LPCAT2: variants seen among roughly 807,000 people sequenced by gnomAD.
The protein encoded by LPCAT2 is 1-AGP acyltransferase 11.
LPCAT2 carries 58 observed loss-of-function variants against 64.7 expected under a neutral mutation model. The ratio of observed to expected loss-of-function variants is 0.90; its 90% CI spans 0.73 to 1.12. The LOEUF (loss-of-function observed/expected upper bound fraction) is 1.12. LPCAT2 is among the 50% of genes most tolerant of loss of function. The probability of loss-of-function intolerance (pLI) is 0.00; values close to 1 mark genes in which losing one functional copy is unlikely to be tolerated. For missense variants in LPCAT2, 579 were observed against 669.8 expected (o/e 0.86, Z 1.50); for synonymous variants, 252 against 245.3 (o/e 1.03, Z -0.26).
At chr16:55,543,025 G>C (rs1280644152) in intron 8 of LPCAT2, among the ~76,000 whole-genome samples, 3 of 152,150 alleles carry the variant, frequency 2.0e-5, no homozygotes, top group African/African-American at 7.2e-5. Context: ...ACCTCTCTTT[G>C]ATTGATTTTC....
intron 11 of LPCAT2, among the ~76,000 whole-genome samples, chr16:55,556,263 A>G (rs1963573243): frequency 6.6e-6 from 1 of 152,244 alleles, no homozygotes; most frequent in Non-Finnish European, 1.5e-5. Context: ...ATGTATGTAT[A>G]TATGAAACTA....
At chr16:55,580,372 A>G (rs1303085889) in intron 13 of LPCAT2, among the ~76,000 whole-genome samples, 1 of 152,186 alleles carries the variant, frequency 6.6e-6, no homozygotes, top group Non-Finnish European at 1.5e-5. Flanking sequence ...TATTACTCCA[A>G]ACTACTAAAT....
intron 13 of LPCAT2, 75 bp from the exon 14 acceptor site, chr16:55,582,839 A>G: frequency 1.1e-6 from 1 of 907,846 alleles, no homozygotes; most frequent in Non-Finnish European, 1.7e-6. Context: ...GCATTATTAG[A>G]GTCATTTATT....
At chr16:55,537,702 A>G in intron 8 of LPCAT2, 70 bp downstream of exon 8, 2 of 1,267,946 alleles carry the variant, frequency 1.6e-6, no homozygotes, top group Non-Finnish European at 2.3e-6. Flanking sequence ...CCTCTAGTCT[A>G]GAGAGACCAG....
chr16:55,571,302 G>T (rs1269585901), intron 11 of LPCAT2, among the ~76,000 whole-genome samples: 5 of 152,074 alleles, frequency 3.3e-5, no homozygotes, highest in African/African-American at 1.2e-4. Flanking sequence ...GTAGCCTAGA[G>T]CTTCCTGCTG....
At chr16:55,517,707 C>A (rs1325216136) in intron 1 of LPCAT2, among the ~76,000 whole-genome samples, 1 of 151,978 alleles carries the variant, frequency 6.6e-6, no homozygotes, top group Middle Eastern at 3.2e-3. Context: ...AACATGAGCA[C>A]CATATTTAAT....
intron 11 of LPCAT2, among the ~76,000 whole-genome samples, chr16:55,554,783 T>C (rs1963555996): frequency 6.6e-6 from 1 of 152,202 alleles, no homozygotes; most frequent in Non-Finnish European, 1.5e-5. Context: ...GTAAGAAATA[T>C]GCAACCATTT....
intron 8 of LPCAT2, chr16:55,539,495 AT>A (rs1963370179): frequency 6.6e-6 from 1 of 152,184 alleles, no homozygotes; most frequent in African/African-American, 2.4e-5. Flanking sequence ...AAATATTCTT[AT>A]TTTAATTATG....
Position 55,583,135 on chromosome 16 carries a change from T to G in LPCAT2, c.*37T>G. On this transcript the variant is annotated 3_prime_UTR_variant, in exon 14 of 14. Transcript: ENST00000262134. The stretch of plus-strand genomic sequence containing the variant: ...CCAATAAGGAAAACACAGTAGCTTT[T>G]GCTTGAAATTGTAAAGGCACTTATT... 6.7e-7 allele frequency: 1 copy of G among 1,500,120 alleles called. No individual in the cohort carries two copies. Among genetic ancestry groups the G allele is most frequent in the Non-Finnish European group, 9.1e-7 (1 of 1,102,236 alleles). 92.9% of individuals were successfully genotyped at this position (1,500,120 alleles called of 1,614,324 possible).
intron 12 of LPCAT2, among the ~76,000 whole-genome samples, chr16:55,577,739 C>A (rs1963843745): frequency 6.6e-6 from 1 of 152,022 alleles, no homozygotes; most frequent in Non-Finnish European, 1.5e-5. Context: ...TTTTCCCCTC[C>A]TCCTAAACCA....
intron 11 of LPCAT2, among the ~76,000 whole-genome samples, chr16:55,554,223 C>A (rs187264959): frequency 6.6e-6 from 1 of 152,248 alleles, no homozygotes; most frequent in East Asian, 1.9e-4. Flanking sequence ...TCTTTTGAAG[C>A]CTTGAAGCCA....
intron 1 of LPCAT2, among the ~76,000 whole-genome samples, chr16:55,512,506 A>G (rs561571730): frequency 6.6e-6 from 1 of 152,260 alleles, no homozygotes; most frequent in African/African-American, 2.4e-5. Context: ...AGCCTTATTG[A>G]TTGACATGAT....
intron 13 of LPCAT2, among the ~76,000 whole-genome samples, chr16:55,581,976 T>C (rs1346010375): frequency 1.3e-5 from 2 of 152,180 alleles, no homozygotes; most frequent in Non-Finnish European, 2.9e-5. Context: ...CTATCCATTA[T>C]TGATTACAAA....
At position 55,528,358 on chromosome 16, in the gene LPCAT2, C is replaced by G. The variant is rs1963201914; in HGVS notation, c.312-19C>G. Reference sequence around the variant, plus strand: ...CTTTAATTAACAGAGCTAATTACATCTTTTCTATATTTTCAAAGGAAAATT... The same window carrying G: ...CTTTAATTAACAGAGCTAATTACATGTTTTCTATATTTTCAAAGGAAAATT... On this transcript the variant is annotated intron_variant, in intron 2 of 13. Coordinates refer to ENST00000262134, the MANE Select transcript of LPCAT2 (RefSeq NM_017839.5). The G allele has an allele frequency of 1.3e-6, 2 of 1,598,514 alleles. No homozygotes were observed. The highest frequency in any genetic ancestry group is 1.7e-6 in the Non-Finnish European group (2 of 1,167,066).
At chr16:55,566,958 A>G in intron 11 of LPCAT2, 1 of 1,613,838 alleles carries the variant, frequency 6.2e-7, no homozygotes, top group Non-Finnish European at 8.5e-7. Flanking sequence ...GCAGCATTTC[A>G]CCAGTGTGGA....
intron 8 of LPCAT2, chr16:55,541,857 A>T: frequency 2.3e-6 from 3 of 1,287,170 alleles, no homozygotes; most frequent in Non-Finnish European, 3.0e-6. Flanking sequence ...TTCTTTTGGG[A>T]AGGAAGCAGC....
intron 11 of LPCAT2, among the ~76,000 whole-genome samples, chr16:55,556,698 C>A (rs79575505): frequency 0.083 from 12,591 of 152,010 alleles, 718 homozygotes; most frequent in African/African-American, 0.15. Context: ...CAGTGAGCCG[C>A]GATTGCGCCA....
intron 11 of LPCAT2, among the ~76,000 whole-genome samples, chr16:55,573,219 T>C (rs575708671): frequency 6.6e-6 from 1 of 152,338 alleles, no homozygotes; most frequent in African/African-American, 2.4e-5. Flanking sequence ...CATTTTTCTC[T>C]AGAAAGATGT....
Position 55,509,094 on chromosome 16 carries a change from A to G in LPCAT2, c.-88A>G. On this transcript the variant is annotated 5_prime_UTR_variant, in exon 1 of 14. Coordinates refer to ENST00000262134, the MANE Select transcript of LPCAT2 (RefSeq NM_017839.5). Reference sequence around the variant, plus strand: ...CGCAGAGGCTCCCCAGCGTCGCCCTAGGCTGGGACTCTAGTAGGTCTTCGG... The same window carrying G: ...CGCAGAGGCTCCCCAGCGTCGCCCTGGGCTGGGACTCTAGTAGGTCTTCGG... The G allele has an allele frequency of 3.5e-6, 4 of 1,145,610 alleles. No homozygotes were observed. The highest frequency in any genetic ancestry group is 3.2e-5 in the East Asian group (1 of 31,214). 71.0% of individuals were successfully genotyped at this position (1,145,610 alleles called of 1,614,324 possible). A position where few individuals can be genotyped will look rare whatever the true frequency, so the allele number is the denominator to read the frequency against.
Sources: gnomAD v4.1 joint callset for allele counts (sites outside exome capture counted in the v4.1 genomes callset) on GRCh38, gnomAD v4.1.1 for gene constraint, MANE v1.5 for transcripts, NCBI Gene and HGNC (gene_info 2026-07-23, HGNC 2026-07-21) for gene names.